PRKCB: variants seen among roughly 807,000 people sequenced by gnomAD.
PRKCB encodes the protein protein kinase C beta type.
Under a neutral mutation model 81.5 loss-of-function variants are expected in PRKCB, and 13 were observed. That is an observed-to-expected ratio of 0.16 (90% CI 0.10 to 0.25). The LOEUF is 0.25. Ranked by LOEUF, PRKCB falls within the 10% of genes least tolerant of loss-of-function variation. The pLI, the probability that PRKCB is intolerant of heterozygous loss-of-function variation, is 1.00. For missense variants in PRKCB, 509 were observed against 875.7 expected, an observed-to-expected ratio of 0.58 and a Z score of 5.29; for synonymous variants, 335 against 321.4, an observed-to-expected ratio of 1.04 and a Z score of -0.45.
chr16:23,871,784 G>C (rs754659702), intron 2 of PRKCB, among the ~76,000 whole-genome samples: 12 of 150,910 alleles, frequency 8.0e-5, no homozygotes, highest in Non-Finnish European at 1.8e-4. Context: ...CATCATGTTG[G>C]TCTGGCTGGT....
intron 10 of PRKCB, among the ~76,000 whole-genome samples, chr16:24,161,157 G>C (rs1380266988): frequency 2.6e-5 from 4 of 152,046 alleles, no homozygotes; most frequent in Non-Finnish European, 5.9e-5. Flanking sequence ...AAAAGTGAAA[G>C]AGACAACCAG....
At chr16:24,065,664 A>C (rs1966024120) in intron 5 of PRKCB, among the ~76,000 whole-genome samples, 2 of 152,126 alleles carry the variant, frequency 1.3e-5, no homozygotes, top group African/African-American at 4.8e-5. Context: ...TTCTCTCTAA[A>C]GAACGTCTTT....
intron 5 of PRKCB, among the ~76,000 whole-genome samples, chr16:24,052,476 G>T (rs1372545127): frequency 6.6e-6 from 1 of 152,240 alleles, no homozygotes; most frequent in East Asian, 1.9e-4. Flanking sequence ...CACAGGCAGA[G>T]CAGCCCTAAA....
chr16:23,874,882 T>G (rs1014963976), intron 2 of PRKCB, among the ~76,000 whole-genome samples: 1 of 152,212 alleles, frequency 6.6e-6, no homozygotes, highest in Admixed American at 6.5e-5. Context: ...GTTCCTGGAC[T>G]TGTAAATTGG....
At chr16:24,092,754 G>A in intron 5 of PRKCB, 37 bp from the exon 6 acceptor site, 1 of 1,593,066 alleles carries the variant, frequency 6.3e-7, no homozygotes. Flanking sequence ...AAACATGTTG[G>A]ACAGTATTAA....
intron 8 of PRKCB, among the ~76,000 whole-genome samples, chr16:24,114,601 C>T (rs1039589144): frequency 6.6e-6 from 1 of 152,054 alleles, no homozygotes; most frequent in Non-Finnish European, 1.5e-5. Flanking sequence ...CACATCCTTG[C>T]TTTACAAAGA....
In PRKCB at chr16:23,933,844, T is replaced by TCATCCATC. The variant is rs58975374; in HGVS notation, c.206-54635_206-54628dup. Among the ~76,000 whole-genome samples the TCATCCATC allele has an allele frequency of 1.3e-3, 158 of 118,394 alleles. 1 individual carries two copies. Among genetic ancestry groups the TCATCCATC allele is most frequent in the Middle Eastern group, 6.5e-3 (1 of 154 alleles). The allele number at this position is 118,394 out of a possible 152,430, so 77.7% of individuals were successfully genotyped here. A position where few individuals can be genotyped will look rare whatever the true frequency, so the allele number is the denominator to read the frequency against. On this transcript the variant is annotated intron_variant, in intron 2 of 16. Coordinates refer to ENST00000643927, the MANE Select transcript of PRKCB (RefSeq NM_002738.7). Reference sequence around the variant, plus strand: ...CATCTTCTGTTTGTCGATTTTCTATTCATCCATCCATCCATCCATCCATCC... The same window carrying TCATCCATC: ...CATCTTCTGTTTGTCGATTTTCTATTCATCCATCCATCCATCCATCCATCCATCCATCC...
chr16:23,917,192 TC>T (rs1963753823), intron 2 of PRKCB, among the ~76,000 whole-genome samples: 1 of 152,162 alleles, frequency 6.6e-6, no homozygotes, highest in Middle Eastern at 3.2e-3. Flanking sequence ...ATGTGATTCT[TC>T]CACCTCAGTT....
At chr16:23,993,582 G>T (rs1379765459) in intron 3 of PRKCB, among the ~76,000 whole-genome samples, 3 of 152,138 alleles carry the variant, frequency 2.0e-5, no homozygotes, top group Non-Finnish European at 4.4e-5. Flanking sequence ...ATTTGTGAGG[G>T]GAGCCCCAGC....
intron 3 of PRKCB, among the ~76,000 whole-genome samples, chr16:24,030,210 C>G (rs1965534112): frequency 6.6e-6 from 1 of 152,184 alleles, no homozygotes; most frequent in Admixed American, 6.5e-5. Flanking sequence ...CAATGTATAA[C>G]AGAGAAAGCA....
chr16:24,107,176 G>A (rs1466151188), intron 7 of PRKCB, among the ~76,000 whole-genome samples: 1 of 152,106 alleles, frequency 6.6e-6, no homozygotes, highest in African/African-American at 2.4e-5. Flanking sequence ...TCTCGTATTT[G>A]TTCCCTTTTC....
In PRKCB at chr16:24,215,751, G is replaced by A. The variant is rs1968217954; in HGVS notation, c.*935G>A. Reference sequence around the variant, plus strand: ...TGACGACCTGCTTTGATTTAACCAAGAAGACGGCTGCGGAGCCTAGCAGAC... The same window carrying A: ...TGACGACCTGCTTTGATTTAACCAAAAAGACGGCTGCGGAGCCTAGCAGAC... On this transcript the variant is annotated 3_prime_UTR_variant, in exon 17 of 17. Transcript: ENST00000643927. The A allele has an allele frequency of 5.1e-6, 5 of 985,644 alleles. No homozygotes were observed. Among genetic ancestry groups the A allele is most frequent in the Non-Finnish European group, 6.0e-6 (5 of 829,928 alleles). The allele number at this position is 985,644 out of a possible 1,614,324, so 61.1% of individuals were successfully genotyped here.
intron 10 of PRKCB, among the ~76,000 whole-genome samples, chr16:24,156,566 T>C (rs571275204): frequency 6.6e-6 from 1 of 152,162 alleles, no homozygotes; most frequent in Non-Finnish European, 1.5e-5. Flanking sequence ...TGAGTCACCA[T>C]GCCCGGCCAA....
At chr16:23,848,724 G>A (rs931608212) in intron 2 of PRKCB, among the ~76,000 whole-genome samples, 3 of 152,186 alleles carry the variant, frequency 2.0e-5, no homozygotes, top group African/African-American at 7.2e-5. Context: ...ACTTCTTGCT[G>A]TGGGACCTTA....
intron 5 of PRKCB, among the ~76,000 whole-genome samples, chr16:24,063,745 G>C (rs1312390870): frequency 6.6e-6 from 1 of 152,154 alleles, no homozygotes; most frequent in Non-Finnish European, 1.5e-5. Flanking sequence ...TTGAGAACTT[G>C]AGCACTAGAG....
intron 2 of PRKCB, among the ~76,000 whole-genome samples, chr16:23,905,505 T>A (rs1204538254): frequency 6.6e-6 from 1 of 152,226 alleles, no homozygotes; most frequent in African/African-American, 2.4e-5. Context: ...TATAAGTATG[T>A]CCCAAATATT....
In PRKCB at chr16:24,215,999, A is replaced by G; in HGVS notation, c.*1183A>G. 1.0e-6 allele frequency: 1 copy of G among 984,446 alleles called. No individual in the cohort carries two copies. The highest frequency in any genetic ancestry group is 1.2e-6 in the Non-Finnish European group (1 of 829,174). The allele number at this position is 984,446 out of a possible 1,614,324, so 61.0% of individuals were successfully genotyped here. On this transcript the variant is annotated 3_prime_UTR_variant, in exon 17 of 17. Transcript: ENST00000643927. The stretch of plus-strand genomic sequence containing the variant: ...ATCGAGATACAATAAAAAAAAAAAA[A>G]AAGAAAAGAAGAAGAAATACTATTT...
At chr16:24,211,986 C>T (rs1171533436) in intron 16 of PRKCB, among the ~76,000 whole-genome samples, 1 of 152,262 alleles carries the variant, frequency 6.6e-6, no homozygotes, top group East Asian at 1.9e-4. Context: ...AGAGCGTGCA[C>T]CTCTTGACTT....
intron 2 of PRKCB, among the ~76,000 whole-genome samples, chr16:23,905,809 A>T (rs1377957773): frequency 6.6e-6 from 1 of 152,186 alleles, no homozygotes; most frequent in Non-Finnish European, 1.5e-5. Context: ...TTTTCTTCAC[A>T]TAAGTGGAAA....
Sources: allele counts gnomAD v4.1 joint callset (sites outside exome capture counted in the v4.1 genomes callset), GRCh38; gene constraint gnomAD v4.1.1; transcripts MANE v1.5; gene names NCBI Gene and HGNC (gene_info 2026-07-23, HGNC 2026-07-21).